GVQW3: variants seen among roughly 807,000 people sequenced by gnomAD.
GVQW3 encodes the protein protein GVQW3.
GVQW3 carries 7 observed loss-of-function variants against 12.5 expected under a neutral mutation model. The ratio of observed to expected loss-of-function variants is 0.56; its 90% CI spans 0.32 to 1.05. The LOEUF is 1.05. Ranked by LOEUF, GVQW3 falls within the 50% of genes least tolerant of loss-of-function variation. The pLI is 0.04. For synonymous variants in GVQW3, 71 were observed against 67.2 expected, an observed-to-expected ratio of 1.06 and a Z score of -0.28; for missense variants, 188 against 190.8, an observed-to-expected ratio of 0.99 and a Z score of 0.09.
chr11:76,413,578 G>C (rs1418627798), exon 2 of GVQW3: 1 of 152,142 alleles, frequency 6.6e-6, no homozygotes, highest in African/African-American at 2.4e-5. Context: ...TACCAAAAGG[G>C]GAATGCTCAA....
downstream of GVQW3, among the ~76,000 whole-genome samples, chr11:76,409,418 G>C (rs545541506): frequency 1.3e-5 from 2 of 152,204 alleles, no homozygotes; most frequent in Non-Finnish European, 2.9e-5. Context: ...AGATCCTATG[G>C]GGGTAACTCC....
chr11:76,402,358 G>T (rs1946997928), intron 1 of GVQW3, among the ~76,000 whole-genome samples: 2 of 152,126 alleles, frequency 1.3e-5, no homozygotes, highest in Non-Finnish European at 2.9e-5. Context: ...TTTGAGACCA[G>T]CCTGGACAAC....
rs374467443 is a variant in GVQW3 at position 76,394,860 on chromosome 11, C to T, written c.466-8800C>T. 9 of 152,264 alleles carry T rather than the reference C, an allele frequency of 5.9e-5. No individual in the cohort carries two copies. In the East Asian group the frequency reaches 1.3e-3, roughly 23 times the overall value. The allele number at this position is 152,264 out of a possible 1,614,324, so 9.4% of individuals were successfully genotyped here. On this transcript the variant is annotated intron_variant, in intron 1 of 1. Coordinates refer to ENST00000529331, the MANE Select transcript of GVQW3 (RefSeq NM_001347885.2). ...GCATCCTTGCCAACATTTGTTATTG[C>T]CTGTCTTTTGGATAAAAGCCATTTT...
intron 1 of GVQW3, among the ~76,000 whole-genome samples, chr11:76,385,286 T>C (rs1946821056): frequency 6.6e-6 from 1 of 152,202 alleles, no homozygotes; most frequent in Non-Finnish European, 1.5e-5. Context: ...GATCTGGGCA[T>C]CTCCAAATAG....
At position 76,382,068 on chromosome 11, in the gene GVQW3, C is replaced by T. The variant is rs1204883124; in HGVS notation, c.240C>T (p.Asp80=). The part of the protein sequence containing the change: ...RTDDNIQKVK[D]LVCSNRQLTV... ...ATGACAATATCCAGAAGGTCAAGGACTTGGTTTGTTCAAACAGGCAGTTAA... is the reference window on the plus strand; with the variant it reads ...ATGACAATATCCAGAAGGTCAAGGATTTGGTTTGTTCAAACAGGCAGTTAA... Residue 80 remains aspartate (D), a synonymous_variant, in exon 1 of 2, where the codon GAC becomes GAT. Transcript: ENST00000529331. 6.5e-7 allele frequency: 1 copy of T among 1,536,442 alleles called. No homozygotes were observed. The highest frequency in any genetic ancestry group is 8.7e-7 in the Non-Finnish European group (1 of 1,147,004).
chr11:76,386,867 C>T (rs879301404), intron 1 of GVQW3, among the ~76,000 whole-genome samples: 3 of 152,000 alleles, frequency 2.0e-5, no homozygotes, highest in South Asian at 2.1e-4. Flanking sequence ...TATTAATATC[C>T]GGAAACAAAA....
rs1233102098 is a variant in GVQW3, at chr11:76,404,006, C to T, written c.*248C>T. The T allele has an allele frequency of 4.7e-6, 3 of 643,898 alleles. No homozygotes were observed. Among genetic ancestry groups the T allele is most frequent in the Admixed American group, 4.3e-5 (2 of 46,308 alleles). 39.9% of individuals were successfully genotyped at this position (643,898 alleles called of 1,614,324 possible). A position where few individuals can be genotyped will look rare whatever the true frequency, so the allele number is the denominator to read the frequency against. The stretch of plus-strand genomic sequence containing the variant: ...GGTCTACCAATTCAAATGCTAATCT[C>T]TTCCGGAAACATCCCCACAGACACA... On this transcript the variant is annotated 3_prime_UTR_variant, in exon 2 of 2. Coordinates refer to ENST00000529331, the MANE Select transcript of GVQW3 (RefSeq NM_001347885.2).
chr11:76,387,580 A>G (rs1469105411), intron 1 of GVQW3, among the ~76,000 whole-genome samples: 2 of 152,122 alleles, frequency 1.3e-5, no homozygotes, highest in Non-Finnish European at 2.9e-5. Context: ...TTCCATCAAT[A>G]ACATTATTAA....
chr11:76,408,870 T>G (rs1033686809), downstream of GVQW3, among the ~76,000 whole-genome samples: 4 of 152,148 alleles, frequency 2.6e-5, no homozygotes, highest in African/African-American at 9.7e-5. Flanking sequence ...AGAGATGATT[T>G]GTACGGGAGA....
chr11:76,393,703 A>G (rs1946914413), intron 1 of GVQW3, among the ~76,000 whole-genome samples: 1 of 151,146 alleles, frequency 6.6e-6, no homozygotes, highest in Non-Finnish European at 1.5e-5. Flanking sequence ...TAAAATGCAC[A>G]TTCTTTAATT....
intron 1 of GVQW3, among the ~76,000 whole-genome samples, chr11:76,393,839 A>G (rs1218347662): frequency 6.6e-6 from 1 of 152,082 alleles, no homozygotes; most frequent in Non-Finnish European, 1.5e-5. Flanking sequence ...GGTATCCATC[A>G]CCTCAAGCAT....
intron 1 of GVQW3, among the ~76,000 whole-genome samples, chr11:76,400,200 C>T (rs980708799): frequency 1.3e-5 from 2 of 151,986 alleles, no homozygotes; most frequent in Non-Finnish European, 2.9e-5. Context: ...GCCACCTCCG[C>T]CTCCCAGGTT....
At position 76,381,559 on chromosome 11, in the gene GVQW3, G is replaced by GATTAAAAA; in HGVS notation, c.-270_-269insATTAAAAA. The GATTAAAAA allele has an allele frequency of 2.7e-6, 1 of 377,034 alleles. No homozygotes were observed. Among genetic ancestry groups the GATTAAAAA allele is most frequent in the Admixed American group, 4.3e-5 (1 of 23,452 alleles). The allele number at this position is 377,034 out of a possible 1,614,324, so 23.4% of individuals were successfully genotyped here. The stretch of plus-strand genomic sequence containing the variant: ...TGACTGGCAAACTCTCGGCAGATGT[G>GATTAAAAA]CGTGCACTGGTTTGATGCAGACGTG... On this transcript the variant is annotated 5_prime_UTR_variant, in exon 1 of 2. It introduces an in-frame stop codon into an upstream open reading frame of the 5' UTR. Transcript: ENST00000529331.
intron 1 of GVQW3, among the ~76,000 whole-genome samples, chr11:76,396,014 A>C (rs188446814): frequency 6.6e-6 from 1 of 152,114 alleles, no homozygotes; most frequent in Non-Finnish European, 1.5e-5. Context: ...GGTTCCTTCT[A>C]ATCCTTTTAG....
chr11:76,381,734 A>AT lies in GVQW3; in HGVS notation c.-94dup. On this transcript the variant is annotated 5_prime_UTR_variant, in exon 1 of 2. Coordinates refer to ENST00000529331, the MANE Select transcript of GVQW3 (RefSeq NM_001347885.2). ...GGCTTCTAGAAGAGCAAGAAGAGCG[A>AT]TATGATTACACCTGCAGCCCTATAA... is the stretch of plus-strand genomic sequence containing the variant. The AT allele has an allele frequency of 8.9e-7, 1 of 1,128,834 alleles. No individual in the cohort carries two copies. The highest frequency in any genetic ancestry group is 1.8e-5 in the South Asian group (1 of 56,660). The allele number at this position is 1,128,834 out of a possible 1,614,324, so 69.9% of individuals were successfully genotyped here.
intron 1 of GVQW3, among the ~76,000 whole-genome samples, chr11:76,384,392 A>G (rs907432594): frequency 6.6e-6 from 1 of 152,172 alleles, no homozygotes; most frequent in Non-Finnish European, 1.5e-5. Context: ...GCACGATCTC[A>G]GCTCACTACA....
chr11:76,395,575 C>T (rs577531861), intron 1 of GVQW3, among the ~76,000 whole-genome samples: 14 of 152,180 alleles, frequency 9.2e-5, no homozygotes, highest in Non-Finnish European at 1.8e-4. Context: ...GCCTTCCACA[C>T]CTGTGACCAG....
chr11:76,400,038 C>CACACACAT (rs1555029538), intron 1 of GVQW3, among the ~76,000 whole-genome samples: 23 of 151,448 alleles, frequency 1.5e-4, no homozygotes, highest in African/African-American at 4.1e-4. Flanking sequence ...CACACACACA[C>CACACACAT]ACACACACAC....
At chr11:76,399,108 G>GTATTTTATTT (rs761524235) in intron 1 of GVQW3, among the ~76,000 whole-genome samples, 54 of 152,128 alleles carry the variant, frequency 3.5e-4, no homozygotes, top group African/African-American at 1.2e-3. Context: ...GTATTGTATT[G>GTATTTTATTT]TATTTTATTT....
Sources: gnomAD v4.1 joint callset for allele counts (sites outside exome capture counted in the v4.1 genomes callset) on GRCh38, gnomAD v4.1.1 for gene constraint, MANE v1.5 for transcripts, NCBI Gene and HGNC (gene_info 2026-07-23, HGNC 2026-07-21) for gene names.